The following PCDH15 variants were observed in gnomAD, a reference collection of about 807,000 sequenced individuals.
PCDH15 encodes the protein protocadherin-15.
Under a neutral mutation model 178.5 loss-of-function variants are expected in PCDH15, and 129 were observed. The ratio of observed to expected loss-of-function variants is 0.72; its 90% CI spans 0.63 to 0.84. The LOEUF is 0.84. Ranked by LOEUF, PCDH15 falls within the 40% of genes least tolerant of loss-of-function variation. PCDH15 has a pLI of 0.00. For missense variants in PCDH15, 2,230 were observed against 2,099.9 expected, an observed-to-expected ratio of 1.06 and a Z score of -1.21; for synonymous variants, 800 against 732.0, an observed-to-expected ratio of 1.09 and a Z score of -1.50.
chr10:54,564,046 T>C (rs936439562), intron 2 of PCDH15, among the ~76,000 whole-genome samples: 3 of 152,168 alleles, frequency 2.0e-5, no homozygotes, highest in African/African-American at 7.2e-5. Flanking sequence ...GGCTGTTGCC[T>C]AGTTCTAAAT....
intron 2 of PCDH15, among the ~76,000 whole-genome samples, chr10:54,956,496 G>T (rs1838491036): frequency 6.6e-6 from 1 of 151,350 alleles, no homozygotes; most frequent in Non-Finnish European, 1.5e-5. Context: ...AACTGAGAAT[G>T]TTCATAATTA....
chr10:54,037,070 G>A (rs1199886437), intron 18 of PCDH15, among the ~76,000 whole-genome samples: 2 of 151,932 alleles, frequency 1.3e-5, no homozygotes, highest in Admixed American at 6.6e-5. Flanking sequence ...GTGAATTGCT[G>A]TAATCTTATG....
intron 3 of PCDH15, among the ~76,000 whole-genome samples, chr10:54,501,911 T>A (rs2080729512): frequency 6.6e-6 from 1 of 152,134 alleles, no homozygotes; most frequent in African/African-American, 2.4e-5. Context: ...CATGCATGCA[T>A]GCATATCCAT....
At chr10:54,897,754 T>A (rs926127637) in intron 2 of PCDH15, among the ~76,000 whole-genome samples, 3 of 152,180 alleles carry the variant, frequency 2.0e-5, no homozygotes, top group Non-Finnish European at 2.9e-5. Context: ...TTTAAGTGCT[T>A]TTAGATTCAG....
chr10:54,741,888 G>A (rs1944854923), intron 1 of PCDH15, among the ~76,000 whole-genome samples: 1 of 151,980 alleles, frequency 6.6e-6, no homozygotes, highest in African/African-American at 2.4e-5. Context: ...TCACTTGAGT[G>A]GTAATCCTAA....
At chr10:54,088,442 T>C (rs2136034779) in intron 16 of PCDH15, among the ~76,000 whole-genome samples, 1 of 152,316 alleles carries the variant, frequency 6.6e-6, no homozygotes, top group Admixed American at 6.5e-5. Flanking sequence ...CTTTATGTAT[T>C]CTTGAGACAT....
chr10:53,893,056 A>G lies in PCDH15; in HGVS notation c.3501+10187T>C, dbSNP rs538780216. ...GTATACCACAATTTGTATTGCATTC[A>G]TCTTCTAAAATTGCCAAAGATGGAT... On this transcript the variant is annotated intron_variant, in intron 26 of 37. Coordinates refer to ENST00000644397, the MANE Select transcript of PCDH15 (RefSeq NM_001384140.1). 8.5e-5 allele frequency among the ~76,000 whole-genome samples: 13 copies of G among 152,326 alleles called. No homozygotes were observed. The East Asian group carries it at 2.3e-3, about 27-fold the overall frequency.
chr10:54,306,625 A>G (rs1439705332), intron 8 of PCDH15, among the ~76,000 whole-genome samples: 1 of 151,978 alleles, frequency 6.6e-6, no homozygotes, highest in African/African-American at 2.4e-5. Flanking sequence ...GCATACCTTC[A>G]CATCAATATC....
chr10:54,536,374 T>G (rs558260747), intron 2 of PCDH15, among the ~76,000 whole-genome samples: 1 of 140,178 alleles, frequency 7.1e-6, no homozygotes, highest in East Asian at 2.3e-4. Context: ...TAAAAAGCAA[T>G]GACTGTCATT....
intron 2 of PCDH15, among the ~76,000 whole-genome samples, chr10:55,492,458 A>G (rs1217483026): frequency 4.6e-5 from 7 of 151,742 alleles, no homozygotes; most frequent in Non-Finnish European, 8.8e-5. Context: ...TAAAAAGGGT[A>G]ACAAATACAA....
intron 2 of PCDH15, among the ~76,000 whole-genome samples, chr10:55,033,809 T>C (rs1840670410): frequency 6.6e-6 from 1 of 152,180 alleles, no homozygotes; most frequent in Admixed American, 6.5e-5. Context: ...GGTTTGAATG[T>C]GTCCTCTCCG....
chr10:55,249,072 G>A (rs1841762058), intron 1 of PCDH15, among the ~76,000 whole-genome samples: 2 of 152,128 alleles, frequency 1.3e-5, no homozygotes. Context: ...AGACTCATTT[G>A]GAAGTAGATA....
chr10:54,543,869 G>A (rs2085539197), intron 2 of PCDH15, among the ~76,000 whole-genome samples: 1 of 152,136 alleles, frequency 6.6e-6, no homozygotes, highest in African/African-American at 2.4e-5. Context: ...CAGCTCCCCA[G>A]AAACTTACTA....
intron 2 of PCDH15, among the ~76,000 whole-genome samples, chr10:55,100,562 C>T (rs1472058769): frequency 6.6e-6 from 1 of 152,034 alleles, no homozygotes; most frequent in Non-Finnish European, 1.5e-5. Flanking sequence ...TGCTTCCACT[C>T]ATGTTGGAAG....
chr10:54,404,735 T>C (rs1344102045), intron 3 of PCDH15, among the ~76,000 whole-genome samples: 2 of 150,992 alleles, frequency 1.3e-5, no homozygotes, highest in Admixed American at 1.3e-4. Flanking sequence ...TGGGAGAAAA[T>C]TCTTACAAAC....
intron 35 of PCDH15, among the ~76,000 whole-genome samples, chr10:53,813,764 T>A (rs755651130): frequency 2.6e-5 from 4 of 151,972 alleles, no homozygotes; most frequent in Non-Finnish European, 5.9e-5. Flanking sequence ...GCAATATAGG[T>A]CAGGTACCAA....
intron 17 of PCDH15, among the ~76,000 whole-genome samples, chr10:54,070,806 C>T (rs1274199487): frequency 6.6e-6 from 1 of 151,810 alleles, no homozygotes; most frequent in African/African-American, 2.4e-5. Flanking sequence ...CAGTATGTTG[C>T]CTAGGTGGTC....
At chr10:54,501,104 G>C (rs1225415132) in intron 3 of PCDH15, among the ~76,000 whole-genome samples, 1 of 151,958 alleles carries the variant, frequency 6.6e-6, no homozygotes, top group Non-Finnish European at 1.5e-5. Flanking sequence ...GGGAGGCAAG[G>C]GAAGGGATAG....
At chr10:55,491,401 G>A (rs559811616) in intron 2 of PCDH15, among the ~76,000 whole-genome samples, 5 of 151,718 alleles carry the variant, frequency 3.3e-5, no homozygotes, top group Admixed American at 3.3e-4. Context: ...AGCATGCTGA[G>A]AATATTGTGG....
Sources: gnomAD v4.1 joint callset for allele counts (sites outside exome capture counted in the v4.1 genomes callset) on GRCh38, gnomAD v4.1.1 for gene constraint, MANE v1.5 for transcripts, NCBI Gene and HGNC (gene_info 2026-07-23, HGNC 2026-07-21) for gene names.